Variants in PRPF38A observed in about 807,000 individuals in gnomAD.
The protein encoded by PRPF38A is pre-mRNA-splicing factor 38A.
PRPF38A carries 11 observed loss-of-function variants against 46.8 expected under a neutral mutation model. The observed-to-expected ratio is 0.24, with a 90% CI of 0.15 to 0.39. The LOEUF (loss-of-function observed/expected upper bound fraction) is 0.39. Ranked by LOEUF, PRPF38A falls within the 10% of genes least tolerant of loss-of-function variation. The pLI is 1.00. For synonymous variants in PRPF38A, 124 were observed against 136.2 expected (o/e 0.91, Z 0.62); for missense variants, 261 against 407.5 (o/e 0.64, Z 3.10).
At chr1:52,407,923 G>T (rs887758147) in intron 2 of PRPF38A, among the ~76,000 whole-genome samples, 2 of 152,258 alleles carry the variant, frequency 1.3e-5, no homozygotes, top group Non-Finnish European at 2.9e-5. Context: ...GGGTGTGTTG[G>T]CACATGCCTA....
chr1:52,414,718 A>G (rs775891930), intron 7 of PRPF38A, 44 bp from the exon 8 acceptor site: 3 of 1,613,590 alleles, frequency 1.9e-6, no homozygotes, highest in South Asian at 1.1e-5. Flanking sequence ...TGTTATATGT[A>G]TATTGCTAAC....
rs1648303597 is a variant in PRPF38A at position 52,416,732 on chromosome 1, A to G, written c.*42A>G. The G allele has an allele frequency of 7.0e-7, 1 of 1,427,430 alleles. No homozygotes were observed. The highest frequency in any genetic ancestry group is 9.9e-7 in the Non-Finnish European group (1 of 1,009,530). 88.4% of individuals were successfully genotyped at this position (1,427,430 alleles called of 1,614,324 possible). On this transcript the variant is annotated 3_prime_UTR_variant, in exon 10 of 10. Transcript: ENST00000257181. ...TTAGTCCACATGGCCTCCTGTGGAT[A>G]TAAGGATATCTGTATGTGGAAGGAT...
chr1:52,407,457 G>A (rs894632732), intron 2 of PRPF38A, among the ~76,000 whole-genome samples: 2 of 152,184 alleles, frequency 1.3e-5, no homozygotes, highest in African/African-American at 4.8e-5. Context: ...CATTATCTCC[G>A]TTTTACAAGG....
intron 9 of PRPF38A, among the ~76,000 whole-genome samples, chr1:52,416,182 GT>G (rs899375542): frequency 2.0e-5 from 3 of 151,576 alleles, no homozygotes; most frequent in Admixed American, 2.0e-4. Flanking sequence ...TTCCTCAATG[GT>G]AAAATTTGGA....
At chr1:52,407,883 G>A (rs371706247) in intron 2 of PRPF38A, among the ~76,000 whole-genome samples, 3 of 152,100 alleles carry the variant, frequency 2.0e-5, no homozygotes, top group Non-Finnish European at 4.4e-5. Flanking sequence ...TGGCAAAACC[G>A]GTCCCTACTA....
chr1:52,415,438 TAACTGG>T, intron 9 of PRPF38A, 52 bp downstream of exon 9: 9 of 1,468,842 alleles, frequency 6.1e-6, no homozygotes, highest in Non-Finnish European at 8.5e-6. Flanking sequence ...AAATTACAAC[TAACTGG>T]ACCTGAAATT....
intron 8 of PRPF38A, 25 bp downstream of exon 8, chr1:52,414,884 CA>C: frequency 6.2e-7 from 1 of 1,609,232 alleles, no homozygotes. Flanking sequence ...CCTTTTGCCA[CA>C]GGTTGTCTTA....
chr1:52,414,990 A>C, intron 8 of PRPF38A, 131 bp downstream of exon 8: 1 of 802,506 alleles, frequency 1.2e-6, no homozygotes, highest in Admixed American at 2.7e-5. Flanking sequence ...AGAATTTGAA[A>C]ATTAAGGTTC....
Position 52,408,488 on chromosome 1 carries a change from A to G in PRPF38A, c.291-81A>G, listed in dbSNP as rs539562573. The G allele has an allele frequency of 1.4e-4, 227 of 1,577,718 alleles. No individual in the cohort carries two copies. The Middle Eastern group carries it at 1.7e-3, about 12-fold the overall frequency. On this transcript the variant is annotated intron_variant, in intron 2 of 9. Transcript: ENST00000257181. ...GCCAAAGAGAAGAACATGTTTATCC[A>G]CTACTGTCATGAGAACAGCTAGTTG... is the stretch of plus-strand genomic sequence containing the variant.
intron 9 of PRPF38A, among the ~76,000 whole-genome samples, chr1:52,415,830 CTCT>C (rs1648274299): frequency 2.5e-5 from 3 of 119,444 alleles, no homozygotes; most frequent in African/African-American, 1.0e-4. Flanking sequence ...GTTGGGTGCA[CTCT>C]TTTTTTTTTT....
At chr1:52,408,538 G>T (rs762468304) in intron 2 of PRPF38A, 31 bp from the exon 3 acceptor site, 1 of 1,613,706 alleles carries the variant, frequency 6.2e-7, no homozygotes, top group Non-Finnish European at 8.5e-7. Flanking sequence ...TTCTAGGATG[G>T]CCTGTTGTTT....
intron 2 of PRPF38A, among the ~76,000 whole-genome samples, chr1:52,406,840 G>A (rs1569973119): frequency 6.6e-6 from 1 of 152,134 alleles, no homozygotes; most frequent in Non-Finnish European, 1.5e-5. Flanking sequence ...CTGAGGCACA[G>A]AGATTAATTA....
chr1:52,408,934 G>T, intron 3 of PRPF38A: 1 of 367,676 alleles, frequency 2.7e-6, no homozygotes, highest in Non-Finnish European at 5.0e-6. Flanking sequence ...GTTAATCCCT[G>T]CCTTGCATCA....
At chr1:52,415,100 A>G (rs933014266) in intron 8 of PRPF38A, among the ~76,000 whole-genome samples, 1 of 152,232 alleles carries the variant, frequency 6.6e-6, no homozygotes, top group African/African-American at 2.4e-5. Context: ...TGAAAACCCA[A>G]TATGATGTTT....
intron 6 of PRPF38A, among the ~76,000 whole-genome samples, chr1:52,414,287 CGG>C (rs1383877224): frequency 3.3e-5 from 5 of 152,036 alleles, no homozygotes; most frequent in African/African-American, 9.7e-5. Context: ...GCTTGGATGA[CGG>C]GGGAAATTTC....
At chr1:52,415,272 G>A in intron 8 of PRPF38A, 66 bp from the exon 9 acceptor site, 2 of 1,507,726 alleles carry the variant, frequency 1.3e-6, no homozygotes, top group Admixed American at 3.5e-5. Flanking sequence ...TATTAGGGGA[G>A]GTGAGAATGA....
At chr1:52,413,824 T>C (rs1380659888) in intron 5 of PRPF38A, 55 bp from the exon 6 acceptor site, 1 of 1,162,818 alleles carries the variant, frequency 8.6e-7, no homozygotes, top group African/African-American at 1.5e-5. Flanking sequence ...TTAGTGTTCC[T>C]AGATGGCTCT....
chr1:52,413,507 C>T (rs1454929856), intron 5 of PRPF38A, among the ~76,000 whole-genome samples: 3 of 152,056 alleles, frequency 2.0e-5, no homozygotes, highest in Admixed American at 6.6e-5. Context: ...GCAGTCTTCC[C>T]ATCTCAGCCT....
Position 52,404,624 on chromosome 1 carries a change from A to G in PRPF38A, c.-126A>G. On this transcript the variant is annotated 5_prime_UTR_variant, in exon 1 of 10. Transcript: ENST00000257181. ...TTTACACTACGGTGTTTCCGGCTTC[A>G]AGATGGTCGCCTAAGCTGTTTAGTG... 3 of 1,069,206 alleles carry G rather than the reference A, an allele frequency of 2.8e-6. No individual in the cohort carries two copies. The highest frequency in any genetic ancestry group is 1.6e-5 in the African/African-American group (1 of 62,898). The allele number at this position is 1,069,206 out of a possible 1,614,324, so 66.2% of individuals were successfully genotyped here. A position where few individuals can be genotyped will look rare whatever the true frequency, so the allele number is the denominator to read the frequency against.
Sources: allele counts gnomAD v4.1 joint callset (sites outside exome capture counted in the v4.1 genomes callset), GRCh38; gene constraint gnomAD v4.1.1; transcripts MANE v1.5; gene names NCBI Gene and HGNC (gene_info 2026-07-23, HGNC 2026-07-21).